The following CCDC39 variants were observed in gnomAD, a reference collection of about 807,000 sequenced individuals.
CCDC39 encodes coiled-coil domain-containing protein 39.
In CCDC39, 113 loss-of-function variants were observed where a neutral mutation model predicts 121.0. That is an observed-to-expected ratio of 0.93 (90% CI 0.80 to 1.09). The LOEUF is 1.09. Ranked by LOEUF, CCDC39 falls within the 50% of genes least tolerant of loss-of-function variation. CCDC39 has a pLI of 0.00. For synonymous variants in CCDC39, 349 were observed against 352.2 expected (o/e 0.99, Z 0.10); for missense variants, 1,063 against 1,074.7 (o/e 0.99, Z 0.15).
At position 180,614,958 on chromosome 3, in the gene CCDC39, C is replaced by T. The variant is rs1427971338; in HGVS notation, c.2789G>A (p.Ser930Asn). 6.4e-7 allele frequency: 1 copy of T among 1,566,758 alleles called. No individual in the cohort carries two copies. Among genetic ancestry groups the T allele is most frequent in the East Asian group, 2.3e-5 (1 of 43,096 alleles). Reference protein sequence around the residue: ...SPSRPSSASSSSSNVKSKKSS... With the variant: ...SPSRPSSASSNSSNVKSKKSS... The stretch of plus-strand genomic sequence containing the variant: ...CTTTTTGCTCTTAACATTACTAGAG[C>T]TACTACTAGCACTAGATGGCCTAGA... The change falls in exon 20 of 20, where the codon AGC becomes AAC. Residue 930 changes from serine to asparagine, a missense_variant. Physicochemically the swap from Ser to Asn is conservative, Grantham distance 46. Transcript: ENST00000476379.
At chr3:180,678,895 C>T (rs1301729414) in intron 1 of CCDC39, among the ~76,000 whole-genome samples, 1 of 152,042 alleles carries the variant, frequency 6.6e-6, no homozygotes, top group Admixed American at 6.6e-5. Context: ...AATTTATAAA[C>T]GTGCGCAAAT....
chr3:180,663,811 C>T (rs1029574660), intron 2 of CCDC39, 56 bp downstream of exon 2: 66 of 1,546,610 alleles, frequency 4.3e-5, no homozygotes, highest in Non-Finnish European at 5.6e-5. Flanking sequence ...TGTAAATATA[C>T]TATGAGATGT....
Position 180,644,184 on chromosome 3 carries a change from T to G in CCDC39, c.1601A>C (p.Asn534Thr). The change falls in exon 12 of 20, where the codon AAT becomes ACT. Residue 534 changes from asparagine (N) to threonine (T), a missense_variant. Physicochemically the swap from Asn to Thr is moderately conservative, Grantham distance 65. Transcript: ENST00000476379. ...DEKQSLMTKI[N>T]ELNLFIDRSE... ...TCTGTCGATGAAAAGGTTTAGTTCA[T>G]TTATTTTGGTCATAAGGGACTGTTT... is the stretch of plus-strand genomic sequence containing the variant. 6.5e-7 allele frequency: 1 copy of G among 1,546,792 alleles called. No homozygotes were observed. Among genetic ancestry groups the G allele is most frequent in the Non-Finnish European group, 8.7e-7 (1 of 1,144,678 alleles).
chr3:180,615,114 G>A (rs1367090283), intron 19 of CCDC39, 37 bp from the exon 20 acceptor site: 1 of 1,469,686 alleles, frequency 6.8e-7, no homozygotes, highest in Non-Finnish European at 9.1e-7. Context: ...TCAATGCAAA[G>A]TTTATATTTT....
intron 12 of CCDC39, among the ~76,000 whole-genome samples, chr3:180,643,469 A>G (rs889265904): frequency 1.3e-5 from 2 of 152,160 alleles, no homozygotes; most frequent in Admixed American, 6.5e-5. Flanking sequence ...TAAACCACCA[A>G]TTTTAAAAAT....
rs774886708 is a variant in CCDC39, at chr3:180,659,804, T to C, written c.517-35A>G. The C allele has an allele frequency of 2.9e-6, 4 of 1,368,136 alleles. No individual in the cohort carries two copies. In the African/African-American group the frequency reaches 5.8e-5, roughly 20 times the overall value. 84.7% of individuals were successfully genotyped at this position (1,368,136 alleles called of 1,614,324 possible). The stretch of plus-strand genomic sequence containing the variant: ...AATTATATACAGATACTTATAATTC[T>C]CATTCTATTAATTTAAATGTTATTA... On this transcript the variant is annotated intron_variant, in intron 4 of 19. Transcript: ENST00000476379.
At chr3:180,647,737 G>A (rs1481343460) in intron 10 of CCDC39, among the ~76,000 whole-genome samples, 2 of 151,912 alleles carry the variant, frequency 1.3e-5, no homozygotes, top group Non-Finnish European at 2.9e-5. Context: ...AGAATATTAA[G>A]AGATTAACAC....
At chr3:180,666,759 G>A (rs1711887963) in intron 1 of CCDC39, among the ~76,000 whole-genome samples, 1 of 152,058 alleles carries the variant, frequency 6.6e-6, no homozygotes, top group South Asian at 2.1e-4. Flanking sequence ...ACAATCACCA[G>A]ATATTTATTG....
chr3:180,650,572 A>G (rs924191341), intron 9 of CCDC39, among the ~76,000 whole-genome samples: 1 of 152,128 alleles, frequency 6.6e-6, no homozygotes, highest in Non-Finnish European at 1.5e-5. Flanking sequence ...TTTTTTAAAA[A>G]GTAGCCAGGC....
At position 180,674,857 on chromosome 3, in the gene CCDC39, G is replaced by A. The variant is rs185213356; in HGVS notation, c.90+4434C>T. On this transcript the variant is annotated intron_variant, in intron 1 of 19. Transcript: ENST00000476379. ...CTTGATCATCGTGGATAAGCTTTTC[G>A]ATATGCTGCTGGATTCGGTTTGCCA... Among the ~76,000 whole-genome samples, 994 of 152,278 alleles carry A rather than the reference G, an allele frequency of 6.5e-3. 5 individuals carry two copies. The highest frequency in any genetic ancestry group is 0.01 in the Non-Finnish European group (708 of 68,026).
At position 180,654,806 on chromosome 3, in the gene CCDC39, C is replaced by A. The variant is rs772280012; in HGVS notation, c.886G>T (p.Ala296Ser). The change falls in exon 7 of 20, where the codon GCA (alanine) becomes TCA (serine). Residue 296 changes from alanine (A) to serine (S), a missense_variant. Ala to Ser is a moderately conservative substitution (Grantham distance 99, BLOSUM62 1). Coordinates refer to ENST00000476379, the MANE Select transcript of CCDC39 (RefSeq NM_181426.2). ...CTACTAGTTTCATGGTCCTGATATG[C>A]CGTTCTACATTTTAAAAGTTTACGA... ...ADRKLLKCRTAYQDHETSRIQ... is the reference protein window; with the variant it reads ...ADRKLLKCRTSYQDHETSRIQ... 6.2e-7 allele frequency: 1 copy of A among 1,610,800 alleles called. No homozygotes were observed. Among genetic ancestry groups the A allele is most frequent in the Non-Finnish European group, 8.5e-7 (1 of 1,178,536 alleles).
rs201794121 is a variant in CCDC39 at position 180,679,298 on chromosome 3, T to G, written c.83A>C (p.Glu28Ala). The change falls in exon 1 of 20, where the codon GAA becomes GCA. Residue 28 changes from glutamate (E) to alanine (A), a missense_variant. Transcript: ENST00000476379. The surrounding 1 kb of genome is among the most constrained non-coding windows in gnomAD (Gnocchi z 4.0). Reference sequence around the variant, plus strand: ...TGCTTCAATTGATCTCACCTGATCTTCCAGTAGCTTGTTCTCCTCGTTCGC... The same window carrying G: ...TGCTTCAATTGATCTCACCTGATCTGCCAGTAGCTTGTTCTCCTCGTTCGC... ...PVANEENKLL[E>A]DQLSKLKDER... 766 of 1,613,522 alleles carry G rather than the reference T, an allele frequency of 4.7e-4. 1 individual carries two copies. The highest frequency in any genetic ancestry group is 6.3e-4 in the Non-Finnish European group (739 of 1,179,608).
In CCDC39 at chr3:180,615,008, G is replaced by A; in HGVS notation, c.2739C>T (p.Ala913=). 6.4e-7 allele frequency: 1 copy of A among 1,561,360 alleles called. No individual in the cohort carries two copies. The highest frequency in any genetic ancestry group is 8.7e-7 in the Non-Finnish European group (1 of 1,151,172). Residue 913 remains alanine (A), a synonymous_variant, in exon 20 of 20, where the codon GCC becomes GCT. Transcript: ENST00000476379. ...SIKVLELKFP[A]SSSLVGSPSR... is the part of the protein sequence containing the mutation. ...AAGGGCTGCCTACTAGTGAAGAGGA[G>A]GCCGGGAATTTAAGCTCCAGTACTT...
At chr3:180,674,779 G>A (rs1205485150) in intron 1 of CCDC39, among the ~76,000 whole-genome samples, 8 of 152,148 alleles carry the variant, frequency 5.3e-5, no homozygotes, top group East Asian at 3.9e-4. Context: ...GCTGGATTAC[G>A]TTTATTGATT....
intron 13 of CCDC39, among the ~76,000 whole-genome samples, chr3:180,640,981 G>A (rs1167328595): frequency 1.3e-5 from 2 of 152,048 alleles, no homozygotes; most frequent in Non-Finnish European, 2.9e-5. Flanking sequence ...AGTAGAGCAA[G>A]GAGAATTATG....
rs373070816 is a variant in CCDC39 at position 180,642,180 on chromosome 3, G to A, written c.1687C>T (p.Leu563Phe). 6.2e-7 allele frequency: 1 copy of A among 1,602,704 alleles called. No individual in the cohort carries two copies. The highest frequency in any genetic ancestry group is 8.5e-7 in the Non-Finnish European group (1 of 1,173,462). Residue 563 changes from leucine to phenylalanine, a missense_variant, in exon 13 of 20, where the codon CTT becomes TTT. By Grantham distance (22) the Leu-to-Phe change is conservative (BLOSUM62 0). Transcript: ENST00000476379. ...FKQDLMIEDNLLKLEVKRTRE... is the reference protein window; with the variant it reads ...FKQDLMIEDNFLKLEVKRTRE... ...GTACGCTTAACTTCAAGTTTTAAAA[G>A]ATTGTCCTCTATCATCAAATCCTAT...
intron 13 of CCDC39, among the ~76,000 whole-genome samples, chr3:180,635,105 A>C (rs1475398114): frequency 1.3e-5 from 2 of 152,206 alleles, no homozygotes; most frequent in African/African-American, 4.8e-5. Flanking sequence ...GCAAGGGGGA[A>C]GCAGCATCTT....
Position 180,644,204 on chromosome 3 carries a change from C to T in CCDC39, c.1581G>A (p.Gln527=). The change falls in exon 12 of 20, where the codon CAG becomes CAA. Residue 527 remains glutamine, a synonymous_variant. Coordinates refer to ENST00000476379, the MANE Select transcript of CCDC39 (RefSeq NM_181426.2). ...KAHSKNSDEK[Q]SLMTKINELN... ...GTTCATTTATTTTGGTCATAAGGGA[C>T]TGTTTTTCATCACTGTTTTTACTAT... 1 of 1,543,382 alleles carries T rather than the reference C, an allele frequency of 6.5e-7. No homozygotes were observed. The highest frequency in any genetic ancestry group is 8.7e-7 in the Non-Finnish European group (1 of 1,142,976).
intron 4 of CCDC39, 83 bp from the exon 5 acceptor site, chr3:180,659,852 T>TTACA (rs1251514531): frequency 4.0e-5 from 32 of 802,436 alleles, no homozygotes; most frequent in Non-Finnish European, 6.2e-5. Flanking sequence ...TTAAATAGTA[T>TTACA]TACACTATAC....
Sources: gnomAD v4.1 joint callset for allele counts (sites outside exome capture counted in the v4.1 genomes callset) on GRCh38, gnomAD v4.1.1 for gene constraint, Gnocchi (gnomAD v3.1) non-coding constraint, MANE v1.5 for transcripts, NCBI Gene and HGNC (gene_info 2026-07-23, HGNC 2026-07-21) for gene names.